Variants in NMNAT2 observed in about 807,000 individuals in gnomAD.
NMNAT2 encodes nicotinamide/nicotinic acid mononucleotide adenylyltransferase 2.
NMNAT2 carries 11 observed loss-of-function variants against 41.6 expected under a neutral mutation model. That is an observed-to-expected ratio of 0.26 (90% confidence interval 0.17 to 0.44). The LOEUF is 0.44. NMNAT2 is among the 20% of genes least tolerant of loss of function. NMNAT2 has a pLI of 1.00. For missense variants in NMNAT2, 288 were observed against 407.7 expected, an observed-to-expected ratio of 0.71 and a Z score of 2.53; for synonymous variants, 148 against 151.2, an observed-to-expected ratio of 0.98 and a Z score of 0.16.
chr1:183,375,851 G>A (rs1663667287), intron 1 of NMNAT2, among the ~76,000 whole-genome samples: 1 of 152,174 alleles, frequency 6.6e-6, no homozygotes. Context: ...GGCACTGTGT[G>A]TTCATAATTA....
At chr1:183,348,865 CAGA>C (rs1383157003) in intron 1 of NMNAT2, among the ~76,000 whole-genome samples, 4 of 152,182 alleles carry the variant, frequency 2.6e-5, no homozygotes, top group African/African-American at 7.2e-5. Context: ...ACATCCCCAC[CAGA>C]AGATCAGAAT....
At chr1:183,417,571 T>C (rs576957194) in intron 1 of NMNAT2, among the ~76,000 whole-genome samples, 6 of 152,100 alleles carry the variant, frequency 3.9e-5, no homozygotes, top group African/African-American at 1.4e-4. Flanking sequence ...CCCCTCCCTA[T>C]TCACTCAGCA....
chr1:183,303,810 G>T (rs949569102), intron 1 of NMNAT2, among the ~76,000 whole-genome samples: 7 of 152,220 alleles, frequency 4.6e-5, no homozygotes, highest in African/African-American at 1.7e-4. Flanking sequence ...GACCACAGGA[G>T]CCTACCATGC....
intron 1 of NMNAT2, among the ~76,000 whole-genome samples, chr1:183,396,040 T>G (rs1648629610): frequency 6.6e-6 from 1 of 152,172 alleles, no homozygotes; most frequent in African/African-American, 2.4e-5. Flanking sequence ...GTCTCTTTGG[T>G]GGCCTGCAGA....
At chr1:183,286,423 G>A (rs1661400137) in intron 5 of NMNAT2, among the ~76,000 whole-genome samples, 3 of 152,088 alleles carry the variant, frequency 2.0e-5, no homozygotes, top group African/African-American at 7.2e-5. Flanking sequence ...GGAGAAGAGT[G>A]CACACCACCA....
At chr1:183,341,447 G>A (rs1171844253) in intron 1 of NMNAT2, among the ~76,000 whole-genome samples, 3 of 149,556 alleles carry the variant, frequency 2.0e-5, no homozygotes, top group Non-Finnish European at 3.0e-5. Flanking sequence ...GGAGGCCAAG[G>A]CAGGTGGATC....
intron 1 of NMNAT2, among the ~76,000 whole-genome samples, chr1:183,346,064 A>C (rs551335558): frequency 1.3e-5 from 2 of 152,096 alleles, no homozygotes; most frequent in Admixed American, 1.3e-4. Flanking sequence ...ATATCCCCCC[A>C]CATCTAATAA....
chr1:183,293,778 T>C lies in NMNAT2; in HGVS notation c.101A>G (p.Tyr34Cys). Residue 34 changes from tyrosine (Y) to cysteine (C), a missense_variant, in exon 2 of 11, where the codon TAT (tyrosine) becomes TGT (cysteine). Physicochemically the swap from Tyr to Cys is radical, Grantham distance 194. This residue lies in a region of NMNAT2 where 100 missense variants were observed against 168.5 expected (regional missense o/e 0.59). Coordinates refer to ENST00000287713, the MANE Select transcript of NMNAT2 (RefSeq NM_015039.4). ...AATAAACCTTCCAGTTTTGTGCAGA[T>C]AATCCCTGGCTCTTTCTAATTAAGA... is the stretch of plus-strand genomic sequence containing the variant. The part of the protein sequence containing the change: ...HIQMFERARD[Y>C]LHKTGRFIVI... The C allele has an allele frequency of 6.2e-7, 1 of 1,613,716 alleles. No homozygotes were observed.
At chr1:183,269,743 G>A (rs1181514230) in intron 8 of NMNAT2, among the ~76,000 whole-genome samples, 1 of 152,242 alleles carries the variant, frequency 6.6e-6, no homozygotes, top group Non-Finnish European at 1.5e-5. Context: ...CCAAGACTCA[G>A]TGAGATTTAA....
At chr1:183,292,971 G>A (rs1490386041) in intron 2 of NMNAT2, 114 bp from the exon 3 acceptor site, 8 of 949,642 alleles carry the variant, frequency 8.4e-6, no homozygotes, top group Non-Finnish European at 1.3e-5. Context: ...AGTGGTGAGA[G>A]GGAATGAAGA....
At chr1:183,392,600 C>A (rs1299755283) in intron 1 of NMNAT2, among the ~76,000 whole-genome samples, 1 of 152,204 alleles carries the variant, frequency 6.6e-6, no homozygotes, top group Non-Finnish European at 1.5e-5. Context: ...CCTACACAAC[C>A]TGGGCATCCA....
intron 7 of NMNAT2, among the ~76,000 whole-genome samples, chr1:183,280,995 G>C (rs997700292): frequency 6.6e-6 from 1 of 151,954 alleles, no homozygotes; most frequent in South Asian, 2.1e-4. Context: ...ATGTTGGTCA[G>C]GGTGGTCTTG....
rs1649312320 is a variant in NMNAT2 at position 183,418,362 on chromosome 1, G to A, written c.-95C>T. ...GGAGAAAGGAAGGCGAGGCTCCGGCGGTGGATGCTGTGGACTCCAAGGAGC... is the reference window on the plus strand; with the variant it reads ...GGAGAAAGGAAGGCGAGGCTCCGGCAGTGGATGCTGTGGACTCCAAGGAGC... On this transcript the variant is annotated 5_prime_UTR_variant, in exon 1 of 11. Coordinates refer to ENST00000287713, the MANE Select transcript of NMNAT2 (RefSeq NM_015039.4). The A allele has an allele frequency of 4.8e-6, 6 of 1,249,626 alleles. No homozygotes were observed. Among genetic ancestry groups the A allele is most frequent in the Admixed American group, 1.7e-5 (1 of 57,418 alleles). 77.4% of individuals were successfully genotyped at this position (1,249,626 alleles called of 1,614,324 possible). A position where few individuals can be genotyped will look rare whatever the true frequency, so the allele number is the denominator to read the frequency against.
rs1473664186 is a variant in NMNAT2 at position 183,255,659 on chromosome 1, A to AG, written c.822-2917dup. 3.5e-4 allele frequency among the ~76,000 whole-genome samples: 46 copies of AG among 130,714 alleles called. No individual in the cohort carries two copies. In the East Asian group the frequency reaches 9.4e-3, roughly 27 times the overall value. 85.8% of individuals were successfully genotyped at this position (130,714 alleles called of 152,430 possible). On this transcript the variant is annotated intron_variant, in intron 10 of 10. Transcript: ENST00000287713. ...ACTTCCTTTGTTAAATTTATTCCTA[A>AG]GGGTTTTTTTTTTTTTTTTTTTCAG...
chr1:183,322,551 A>AT (rs1301583325), intron 1 of NMNAT2, among the ~76,000 whole-genome samples: 1 of 152,142 alleles, frequency 6.6e-6, no homozygotes, highest in East Asian at 1.9e-4. Flanking sequence ...GCCTGTCCCA[A>AT]TTGCTATCCC....
chr1:183,269,036 C>T (rs959554361), intron 8 of NMNAT2, among the ~76,000 whole-genome samples: 6 of 152,044 alleles, frequency 3.9e-5, no homozygotes, highest in East Asian at 1.9e-4. Flanking sequence ...CGCCACTGCA[C>T]GCTAGCCTGG....
intron 1 of NMNAT2, among the ~76,000 whole-genome samples, chr1:183,338,997 A>G (rs1350116319): frequency 6.6e-6 from 1 of 152,194 alleles, no homozygotes; most frequent in Non-Finnish European, 1.5e-5. Context: ...GGCTGATTTC[A>G]CAGGGTCCTG....
intron 1 of NMNAT2, among the ~76,000 whole-genome samples, chr1:183,308,100 G>A (rs993175726): frequency 1.3e-5 from 2 of 152,154 alleles, no homozygotes. Context: ...TGCTGCGATG[G>A]ATGACCCTCC....
intron 1 of NMNAT2, among the ~76,000 whole-genome samples, chr1:183,333,470 T>C (rs677475): frequency 0.28 from 42,267 of 152,028 alleles, 6,876 homozygotes; most frequent in African/African-American, 0.46. Flanking sequence ...GGAGGCTGGA[T>C]TGTCAGAGTC....
Sources: gnomAD v4.1 joint callset for allele counts (sites outside exome capture counted in the v4.1 genomes callset) on GRCh38, gnomAD v4.1.1 for gene constraint, gnomAD v4.1.1 regional missense constraint, MANE v1.5 for transcripts, NCBI Gene and HGNC (gene_info 2026-07-23, HGNC 2026-07-21) for gene names.